Variants in EFCAB5 observed in about 807,000 individuals in gnomAD.
The protein encoded by EFCAB5 is EF-hand calcium-binding domain-containing protein 5.
Under a neutral mutation model 167.9 loss-of-function variants are expected in EFCAB5, and 131 were observed. That is an observed-to-expected ratio of 0.78 (90% CI 0.68 to 0.90). The LOEUF (loss-of-function observed/expected upper bound fraction) is 0.90, where lower values mean the gene tolerates loss of function less well. EFCAB5 is among the 40% of genes least tolerant of loss of function. The pLI, the probability that EFCAB5 is intolerant of heterozygous loss-of-function variation, is 0.00. For missense variants in EFCAB5, 1,663 were observed against 1,745.2 expected (o/e 0.95, Z 0.84); for synonymous variants, 574 against 602.8 (o/e 0.95, Z 0.70).
chr17:30,009,519 G>C (rs2068846448), intron 7 of EFCAB5, among the ~76,000 whole-genome samples: 1 of 152,068 alleles, frequency 6.6e-6, no homozygotes, highest in African/African-American at 2.4e-5. Context: ...TCTTGTACTT[G>C]TCATAATGTC....
chr17:29,957,325 TTTTA>T (rs2067636929), intron 3 of EFCAB5, among the ~76,000 whole-genome samples: 1 of 152,048 alleles, frequency 6.6e-6, no homozygotes, highest in South Asian at 2.1e-4. Context: ...TTTTTTTAAT[TTTTA>T]TTTTATTTTA....
chr17:29,976,908 C>T (rs576257882), intron 4 of EFCAB5, among the ~76,000 whole-genome samples: 41 of 152,002 alleles, frequency 2.7e-4, no homozygotes, highest in Non-Finnish European at 5.1e-4. Context: ...ATAGTGGTAG[C>T]CACTATATCT....
intron 14 of EFCAB5, chr17:30,068,621 G>A (rs964233379): frequency 1.0e-5 from 15 of 1,485,342 alleles, no homozygotes; most frequent in Admixed American, 2.4e-5. Context: ...CTGCCTGTGC[G>A]GGTCGCTAGG....
chr17:29,968,708 A>T (rs539995898), intron 3 of EFCAB5, 83 bp from the exon 4 acceptor site: 64 of 1,177,298 alleles, frequency 5.4e-5, no homozygotes, highest in African/African-American at 2.5e-4. Flanking sequence ...GGATATAAAA[A>T]TTTTTTCAAA....
chr17:30,038,856 C>T (rs2069692879), intron 8 of EFCAB5, among the ~76,000 whole-genome samples: 1 of 152,128 alleles, frequency 6.6e-6, no homozygotes, highest in African/African-American at 2.4e-5. Context: ...TTTGGTGGCC[C>T]ATATGGGGAT....
chr17:30,060,183 A>G (rs2070386998), intron 14 of EFCAB5, among the ~76,000 whole-genome samples: 1 of 152,202 alleles, frequency 6.6e-6, no homozygotes, highest in Admixed American at 6.5e-5. Context: ...CACAATGTGC[A>G]CATGTACCCT....
intron 7 of EFCAB5, 83 bp from the exon 8 acceptor site, chr17:30,034,147 T>C: frequency 6.8e-7 from 1 of 1,462,186 alleles, no homozygotes; most frequent in Non-Finnish European, 9.3e-7. Context: ...ATGTATTTCA[T>C]GCACATTGGT....
chr17:29,932,097 T>C (rs2067203821), intron 1 of EFCAB5, among the ~76,000 whole-genome samples: 1 of 152,054 alleles, frequency 6.6e-6, no homozygotes, highest in Admixed American at 6.6e-5. Flanking sequence ...AGATAATGTA[T>C]GGTAAAGTTC....
intron 3 of EFCAB5, among the ~76,000 whole-genome samples, chr17:29,950,294 T>TCCTC (rs1223651079): frequency 6.6e-6 from 1 of 151,280 alleles, no homozygotes; most frequent in Non-Finnish European, 1.5e-5. Context: ...CTTCCTTCCT[T>TCCTC]CCTCTCTTCC....
At chr17:30,037,881 A>G (rs546495514) in intron 8 of EFCAB5, among the ~76,000 whole-genome samples, 1 of 152,274 alleles carries the variant, frequency 6.6e-6, no homozygotes, top group African/African-American at 2.4e-5. Context: ...AAGCATCCCT[A>G]TTTCCTGAGA....
chr17:30,048,492 T>C (rs890221472), intron 8 of EFCAB5, among the ~76,000 whole-genome samples: 1 of 135,656 alleles, frequency 7.4e-6, no homozygotes, highest in Non-Finnish European at 1.7e-5. Flanking sequence ...AGGATACTTC[T>C]TTTTTTTTTT....
rs779717125 is a variant in EFCAB5, at chr17:29,968,945, G to A, written c.345G>A (p.Lys115=). 204 of 1,586,640 alleles carry A rather than the reference G, an allele frequency of 1.3e-4. 1 individual carries two copies. The highest frequency in any genetic ancestry group is 4.0e-4 in the Admixed American group (22 of 55,204). Reference sequence around the variant, plus strand: ...AATCAAAGCCAGAGCACACATGGAAGAAAAACCTTTTTGAAAGAATGGAGG... The same window carrying A: ...AATCAAAGCCAGAGCACACATGGAAAAAAAACCTTTTTGAAAGAATGGAGG... ...ELKSKPEHTW[K]KNLFERMEAR... is the part of the protein sequence containing the mutation. The change falls in exon 4 of 23, where the codon AAG becomes AAA. Residue 115 remains lysine (K), a synonymous_variant. Transcript: ENST00000394835.
chr17:29,948,082 T>C (rs1295050082), intron 3 of EFCAB5, among the ~76,000 whole-genome samples: 1 of 152,184 alleles, frequency 6.6e-6, no homozygotes. Flanking sequence ...CACCTCGGCC[T>C]CCCAAAGTGC....
At chr17:30,095,582 A>C (rs1451515636) in intron 22 of EFCAB5, among the ~76,000 whole-genome samples, 1 of 152,154 alleles carries the variant, frequency 6.6e-6, no homozygotes, top group Admixed American at 6.5e-5. Flanking sequence ...CTGCAACTCC[A>C]TTACAAAAAT....
At chr17:29,946,872 C>T (rs1035739854) in intron 3 of EFCAB5, among the ~76,000 whole-genome samples, 4 of 152,136 alleles carry the variant, frequency 2.6e-5, no homozygotes, top group Non-Finnish European at 5.9e-5. Context: ...TATTGCAGCA[C>T]AATTCACACT....
intron 22 of EFCAB5, among the ~76,000 whole-genome samples, chr17:30,095,152 C>T (rs2071271299): frequency 6.6e-6 from 1 of 152,310 alleles, no homozygotes; most frequent in Non-Finnish European, 1.5e-5. Context: ...GACCCAGAGG[C>T]AAGAAGAGCT....
At chr17:30,088,129 C>T (rs1223217255) in intron 19 of EFCAB5, among the ~76,000 whole-genome samples, 1 of 151,966 alleles carries the variant, frequency 6.6e-6, no homozygotes, top group African/African-American at 2.4e-5. Flanking sequence ...TTCCCAAATC[C>T]TTTTTTCTTG....
At chr17:30,086,977 T>A (rs1008548997) in intron 18 of EFCAB5, 86 bp from the exon 19 acceptor site, 1 of 1,129,832 alleles carries the variant, frequency 8.9e-7, no homozygotes, top group Non-Finnish European at 1.3e-6. Flanking sequence ...AGCTTTCCTA[T>A]TTTTTTTCTA....
chr17:30,080,939 C>G lies in EFCAB5; in HGVS notation c.3384C>G (p.His1128Gln). The change falls in exon 17 of 23, where the codon CAC (histidine) becomes CAG (glutamine). Residue 1128 changes from histidine (H) to glutamine (Q), a missense_variant. Physicochemically the swap from His to Gln is conservative, Grantham distance 24. Transcript: ENST00000394835. ...CTGTTGATACCCTTAGAGATCCCCACGAAATAAACATCTTTCTACCTCATG... is the reference window on the plus strand; with the variant it reads ...CTGTTGATACCCTTAGAGATCCCCAGGAAATAAACATCTTTCTACCTCATG... Reference protein sequence around the residue: ...VLAVDTLRDPHEINIFLPHEI... With the variant: ...VLAVDTLRDPQEINIFLPHEI... 2 of 1,613,370 alleles carry G rather than the reference C, an allele frequency of 1.2e-6. No individual in the cohort carries two copies. Among genetic ancestry groups the G allele is most frequent in the Non-Finnish European group, 8.5e-7 (1 of 1,179,830 alleles).
Sources: allele counts gnomAD v4.1 joint callset (sites outside exome capture counted in the v4.1 genomes callset), GRCh38; gene constraint gnomAD v4.1.1; transcripts MANE v1.5; gene names NCBI Gene and HGNC (gene_info 2026-07-23, HGNC 2026-07-21).